Variants in TLR6 observed in about 807,000 individuals in gnomAD.
The protein encoded by TLR6 is toll-like receptor 6.
A neutral mutation model predicts 16.1 loss-of-function variants in TLR6; 9 were observed. That is an observed-to-expected ratio of 0.56 (90% CI 0.34 to 0.98). The LOEUF is 0.98. Ranked by LOEUF, TLR6 falls within the 50% of genes least tolerant of loss-of-function variation. The pLI is 0.02. For missense variants in TLR6, 786 were observed against 921.0 expected, an observed-to-expected ratio of 0.85 and a Z score of 1.90; for synonymous variants, 340 against 338.6, an observed-to-expected ratio of 1.00 and a Z score of -0.04.
the TLR6 span, chr4:38,867,999 C>G: frequency 2.5e-6 from 1 of 402,208 alleles, no homozygotes; most frequent in Non-Finnish European, 5.0e-6. Flanking sequence ...GAGGACCCGG[C>G]TCTGGGGTGA....
intron 1 of TLR6, among the ~76,000 whole-genome samples, chr4:38,841,718 G>A (rs1049709882): frequency 3.3e-5 from 5 of 152,134 alleles, no homozygotes; most frequent in Non-Finnish European, 5.9e-5. Flanking sequence ...TTGATCAATC[G>A]CATCAAAGGA....
chr4:38,848,072 C>G (rs965339353), intron 1 of TLR6, among the ~76,000 whole-genome samples: 28 of 152,304 alleles, frequency 1.8e-4, no homozygotes, highest in African/African-American at 6.7e-4. Flanking sequence ...CCAGGTACCC[C>G]TCTGAGACAA....
At chr4:38,852,991 T>C (rs1339078431) in intron 1 of TLR6, among the ~76,000 whole-genome samples, 2 of 151,840 alleles carry the variant, frequency 1.3e-5, no homozygotes, top group Non-Finnish European at 2.9e-5. Context: ...CAAATGTCCA[T>C]CAATGATAGA....
At chr4:38,838,946 G>A (rs867807865) in intron 1 of TLR6, among the ~76,000 whole-genome samples, 8 of 123,862 alleles carry the variant, frequency 6.5e-5, no homozygotes, top group African/African-American at 2.8e-4. Flanking sequence ...GGAAGGAAGG[G>A]AGGAAGGAAG....
At position 38,851,118 on chromosome 4, in the gene TLR6, A is replaced by G. The variant is rs1297248257; in HGVS notation, c.-65+5643T>C. ...TGTAATCCAGCATATAAACAGAACC[A>G]AAGACAAAAACCACATGATTATCTC... On this transcript the variant is annotated intron_variant, in intron 1 of 1. Coordinates refer to ENST00000436693, the Ensembl canonical transcript of TLR6. 3.9e-5 allele frequency among the ~76,000 whole-genome samples: 6 copies of G among 152,334 alleles called. No homozygotes were observed. The East Asian group carries it at 7.7e-4, about 20-fold the overall frequency.
exon 2 of TLR6, chr4:38,827,514 C>A (rs1727601736): frequency 6.2e-7 from 1 of 1,614,060 alleles, no homozygotes; most frequent in African/African-American, 1.3e-5. Context: ...TTCACCCAGG[C>A]AGAATCATGT....
upstream of TLR6, among the ~76,000 whole-genome samples, chr4:38,858,811 G>A (rs1291717610): frequency 9.2e-6 from 1 of 108,132 alleles, no homozygotes; most frequent in Admixed American, 9.5e-5. Context: ...GAGAGAGAGA[G>A]AGGGAGAGAG....
upstream of TLR6, among the ~76,000 whole-genome samples, chr4:38,858,093 T>C (rs1466461779): frequency 6.6e-6 from 1 of 152,194 alleles, no homozygotes; most frequent in Non-Finnish European, 1.5e-5. Context: ...GTCGAGGCTG[T>C]CATAACTCAG....
chr4:38,829,090 G>C, exon 2 of TLR6: 1 of 1,614,130 alleles, frequency 6.2e-7, no homozygotes, highest in Non-Finnish European at 8.5e-7. Flanking sequence ...CATTGAATGA[G>C]AGATCTAAAT....
At chr4:38,852,449 C>T (rs1321898625) in intron 1 of TLR6, among the ~76,000 whole-genome samples, 5 of 152,182 alleles carry the variant, frequency 3.3e-5, no homozygotes, top group African/African-American at 9.7e-5. Context: ...AGGCAACCTA[C>T]AGAATGGGAG....
intron 1 of TLR6, among the ~76,000 whole-genome samples, chr4:38,844,700 A>G (rs147176288): frequency 1.2e-3 from 183 of 152,334 alleles, no homozygotes; most frequent in African/African-American, 4.3e-3. Context: ...GTATCCCAAA[A>G]CAGAAATTAT....
At chr4:38,837,298 G>A (rs1711977484) in intron 1 of TLR6, among the ~76,000 whole-genome samples, 1 of 152,138 alleles carries the variant, frequency 6.6e-6, no homozygotes, top group African/African-American at 2.4e-5. Flanking sequence ...AGGAAAAGGG[G>A]CAAAGCTGAA....
At chr4:38,855,154 G>T (rs1028124756) in intron 1 of TLR6, among the ~76,000 whole-genome samples, 4 of 151,074 alleles carry the variant, frequency 2.6e-5, no homozygotes, top group Non-Finnish European at 5.9e-5. Context: ...GGAGCTTGCA[G>T]TGAGCCGAGA....
chr4:38,827,436 G>C (rs917817593), exon 2 of TLR6: 2 of 1,614,156 alleles, frequency 1.2e-6, no homozygotes, highest in Admixed American at 3.3e-5. Flanking sequence ...CTCTTGCCAG[G>C]GACAAAGTTT....
chr4:38,856,557 A>T (rs1212553388), intron 1 of TLR6, among the ~76,000 whole-genome samples: 1 of 152,218 alleles, frequency 6.6e-6, no homozygotes, highest in Non-Finnish European at 1.5e-5. Context: ...TCTTTTCAAG[A>T]CAGCTGTAAA....
chr4:38,841,476 A>G (rs1158175356), intron 1 of TLR6, among the ~76,000 whole-genome samples: 1 of 152,174 alleles, frequency 6.6e-6, no homozygotes, highest in Admixed American at 6.5e-5. Context: ...CTGTAGTCCC[A>G]GCTACTAGGG....
chr4:38,841,882 ATTGT>A (rs772533547), intron 1 of TLR6, among the ~76,000 whole-genome samples: 1 of 152,144 alleles, frequency 6.6e-6, no homozygotes, highest in Non-Finnish European at 1.5e-5. Context: ...GTACGTCATT[ATTGT>A]TTATTTTATT....
At chr4:38,851,380 T>C (rs1448073791) in intron 1 of TLR6, among the ~76,000 whole-genome samples, 1 of 152,208 alleles carries the variant, frequency 6.6e-6, no homozygotes, top group African/African-American at 2.4e-5. Flanking sequence ...TTGGAAGTTC[T>C]GGCCAGGGCA....
chr4:38,849,593 C>A (rs1475276687), intron 1 of TLR6, among the ~76,000 whole-genome samples: 1 of 151,934 alleles, frequency 6.6e-6, no homozygotes, highest in Non-Finnish European at 1.5e-5. Flanking sequence ...ATCTACCAAG[C>A]AAATGGAAAA....
Sources: allele counts gnomAD v4.1 joint callset (sites outside exome capture counted in the v4.1 genomes callset), GRCh38; gene constraint gnomAD v4.1.1; transcripts MANE v1.5; gene names NCBI Gene and HGNC (gene_info 2026-07-23, HGNC 2026-07-21).